Variants in RAB30 observed in about 807,000 individuals in gnomAD.
RAB30 encodes ras-related protein Rab-30.
A neutral mutation model predicts 25.1 loss-of-function variants in RAB30; 9 were observed. That is an observed-to-expected ratio of 0.36 (90% CI 0.22 to 0.63). The LOEUF is 0.63. RAB30 is among the 20% of genes least tolerant of loss of function. The pLI is 0.69. For synonymous variants in RAB30, 77 were observed against 86.4 expected, an observed-to-expected ratio of 0.89 and a Z score of 0.60; for missense variants, 140 against 243.5, an observed-to-expected ratio of 0.58 and a Z score of 2.83.
chr11:83,002,768 G>C, intron 1 of RAB30, among the ~76,000 whole-genome samples: 1 of 152,110 alleles, frequency 6.6e-6, no homozygotes. Context: ...ATTCCACCCT[G>C]AGCAACAGAG....
chr11:82,982,806 G>A (rs747389813), intron 4 of RAB30, among the ~76,000 whole-genome samples: 28 of 152,140 alleles, frequency 1.8e-4, no homozygotes, highest in Non-Finnish European at 3.4e-4. Flanking sequence ...AGGTTGCAGT[G>A]AGTCGAGATC....
chr11:83,029,786 G>C (rs1037900669), intron 1 of RAB30, among the ~76,000 whole-genome samples: 1 of 151,994 alleles, frequency 6.6e-6, no homozygotes, highest in Non-Finnish European at 1.5e-5. Context: ...ATATGGAACC[G>C]ACCTAAGTGC....
rs756122487 is a variant in RAB30, at chr11:82,979,298, T to G, written c.*2867A>C. 11 of 152,184 alleles carry G rather than the reference T, an allele frequency of 7.2e-5. No individual in the cohort carries two copies. Among genetic ancestry groups the G allele is most frequent in the South Asian group, 2.1e-4 (1 of 4,836 alleles). The allele number at this position is 152,184 out of a possible 1,614,324, so 9.4% of individuals were successfully genotyped here. A position where few individuals can be genotyped will look rare whatever the true frequency, so the allele number is the denominator to read the frequency against. ...CCATATATTTAATAACTTTATTGAA[T>G]GAAGAAAAAGATCACACCAAAAATG... On this transcript the variant is annotated 3_prime_UTR_variant, in exon 5 of 5. Transcript: ENST00000527633.
At chr11:82,994,897 C>A (rs989067272) in intron 2 of RAB30, among the ~76,000 whole-genome samples, 2 of 152,196 alleles carry the variant, frequency 1.3e-5, no homozygotes, top group African/African-American at 4.8e-5. Flanking sequence ...ACAAACCACT[C>A]ACCCTCTCTG....
chr11:82,996,276 T>C (rs1050185846), intron 2 of RAB30, among the ~76,000 whole-genome samples: 24 of 152,144 alleles, frequency 1.6e-4, no homozygotes, highest in Admixed American at 1.6e-3. Context: ...GCCTTGGAGC[T>C]CACCCAGCCC....
At chr11:83,021,899 G>A (rs1429593630) in intron 1 of RAB30, among the ~76,000 whole-genome samples, 5 of 152,218 alleles carry the variant, frequency 3.3e-5, no homozygotes, top group African/African-American at 4.8e-5. Flanking sequence ...TAATGACTTT[G>A]TGAATGTCAG....
At chr11:82,992,904 G>C (rs1856886746) in intron 3 of RAB30, among the ~76,000 whole-genome samples, 1 of 152,098 alleles carries the variant, frequency 6.6e-6, no homozygotes, top group South Asian at 2.1e-4. Flanking sequence ...ATGCCACCAT[G>C]ACCAGACAAT....
intron 1 of RAB30, among the ~76,000 whole-genome samples, chr11:83,021,678 C>T (rs948180163): frequency 3.3e-5 from 5 of 152,168 alleles, no homozygotes; most frequent in African/African-American, 9.7e-5. Context: ...CCTGCCAGGC[C>T]GAGTGGGCGG....
intron 1 of RAB30, among the ~76,000 whole-genome samples, chr11:83,017,002 T>G (rs1158162103): frequency 1.3e-5 from 2 of 151,978 alleles, no homozygotes; most frequent in East Asian, 1.9e-4. Context: ...CACAGTGCAA[T>G]GTAAGTGGAA....
In RAB30 at chr11:82,976,257, A is replaced by G. The variant is rs1472957120; in HGVS notation, c.*5908T>C. The G allele has an allele frequency of 6.6e-6, 1 of 152,210 alleles. No individual in the cohort carries two copies. The highest frequency in any genetic ancestry group is 1.9e-4 in the East Asian group (1 of 5,206). 9.4% of individuals were successfully genotyped at this position (152,210 alleles called of 1,614,324 possible). A position where few individuals can be genotyped will look rare whatever the true frequency, so the allele number is the denominator to read the frequency against. On this transcript the variant is annotated 3_prime_UTR_variant, in exon 5 of 5. Transcript: ENST00000527633. ...TCAGACCATTCAAAGTCTGCTCTTA[A>G]TTAAAGTGAAAAAGAACTAATATTT...
At chr11:82,985,688 A>C (rs556335830) in intron 4 of RAB30, among the ~76,000 whole-genome samples, 1 of 152,024 alleles carries the variant, frequency 6.6e-6, no homozygotes, top group African/African-American at 2.4e-5. Context: ...TGTAGCTGTC[A>C]ATTACAACAT....
chr11:83,039,478 A>G (rs1226819140), intron 1 of RAB30, among the ~76,000 whole-genome samples: 1 of 152,206 alleles, frequency 6.6e-6, no homozygotes, highest in Non-Finnish European at 1.5e-5. Flanking sequence ...CAGGAGTTTG[A>G]GACCAGCCTG....
intron 1 of RAB30, among the ~76,000 whole-genome samples, chr11:83,005,052 C>G (rs553040766): frequency 6.6e-6 from 1 of 152,316 alleles, no homozygotes; most frequent in Admixed American, 6.5e-5. Flanking sequence ...TGTGCTGTGG[C>G]TGCTCCTTAT....
At chr11:83,014,680 AAG>A (rs752116582) in intron 1 of RAB30, among the ~76,000 whole-genome samples, 3 of 143,690 alleles carry the variant, frequency 2.1e-5, no homozygotes, top group Non-Finnish European at 3.0e-5. Flanking sequence ...GAAAGAAAGA[AAG>A]AAAGAAAGAA....
intron 1 of RAB30, among the ~76,000 whole-genome samples, chr11:83,069,157 G>T (rs555902371): frequency 1.4e-4 from 22 of 152,282 alleles, no homozygotes; most frequent in African/African-American, 4.8e-4. Context: ...AGGTCCCAGA[G>T]ACAGCAGTGA....
chr11:83,070,057 A>G (rs1441515210), intron 1 of RAB30, among the ~76,000 whole-genome samples: 5 of 151,784 alleles, frequency 3.3e-5, no homozygotes, highest in African/African-American at 1.2e-4. Flanking sequence ...GGGTTTTGAA[A>G]CAGAAAGGAA....
chr11:83,031,687 C>T (rs911548534), intron 1 of RAB30, among the ~76,000 whole-genome samples: 1 of 152,132 alleles, frequency 6.6e-6, no homozygotes, highest in Non-Finnish European at 1.5e-5. Flanking sequence ...GCCATCATAC[C>T]TGGCTAATTT....
intron 1 of RAB30, among the ~76,000 whole-genome samples, chr11:83,021,591 C>T (rs1857580321): frequency 6.6e-6 from 1 of 152,252 alleles, no homozygotes; most frequent in African/African-American, 2.4e-5. Context: ...CACTCACACA[C>T]CTCTCTCTGC....
chr11:83,007,028 AGAACATTTCT>A (rs1857198991), intron 1 of RAB30, among the ~76,000 whole-genome samples: 1 of 152,266 alleles, frequency 6.6e-6, no homozygotes, highest in African/African-American at 2.4e-5. Context: ...ACTCTGACAC[AGAACATTTCT>A]GAGGAAGCAG....
Sources: gnomAD v4.1 joint callset for allele counts (sites outside exome capture counted in the v4.1 genomes callset) on GRCh38, gnomAD v4.1.1 for gene constraint, MANE v1.5 for transcripts, NCBI Gene and HGNC (gene_info 2026-07-23, HGNC 2026-07-21) for gene names.